The following DMD variants were observed in gnomAD, a reference collection of about 807,000 sequenced individuals.
DMD encodes mutant dystrophin.
In DMD, 63 loss-of-function variants were observed where a neutral mutation model predicts 330.1. The observed-to-expected ratio is 0.19, with a 90% CI of 0.16 to 0.24. DMD has a LOEUF of 0.24. Ranked by LOEUF, DMD falls within the 10% of genes least tolerant of loss-of-function variation. The probability of loss-of-function intolerance (pLI) is 1.00; values close to 1 mark genes in which losing one functional copy is unlikely to be tolerated. For missense variants in DMD, 3,344 were observed against 2,684.1 expected (o/e 1.25, Z -5.43); for synonymous variants, 1,223 against 959.8 (o/e 1.27, Z -5.07).
At chrX:33,217,123 T>A (rs766076413) in intron 1 of DMD, among the ~76,000 whole-genome samples, 46 of 111,556 alleles carry the variant, frequency 4.1e-4, no homozygotes, top group Non-Finnish European at 7.5e-4. Flanking sequence ...ACTTCCTTTT[T>A]CCACAGTGAT....
chrX:32,745,344 T>C (rs1437553524), intron 7 of DMD, among the ~76,000 whole-genome samples: 1 of 112,340 alleles, frequency 8.9e-6, no homozygotes, highest in Non-Finnish European at 1.9e-5. Flanking sequence ...TCTGATCTTG[T>C]TCTGTATCAA....
Position 31,764,631 on chromosome X carries a change from T to G in DMD, c.7542+9329A>C, listed in dbSNP as rs1603462034. 3.6e-5 allele frequency among the ~76,000 whole-genome samples: 4 copies of G among 111,893 alleles called. No individual in the cohort carries two copies. In the South Asian group the frequency reaches 1.5e-3, roughly 41 times the overall value. ...TTTTGGCAAAAATCGTCTTCATGGA[T>G]TTAATTTTTTTTAATTTCTAGTTTG... On this transcript the variant is annotated intron_variant, in intron 51 of 78. Coordinates refer to ENST00000357033, the MANE Select transcript of DMD (RefSeq NM_004006.3).
At chrX:32,651,143 T>C in intron 9 of DMD, among the ~76,000 whole-genome samples, 1 of 110,261 alleles carries the variant, frequency 9.1e-6, no homozygotes, top group Admixed American at 9.7e-5. Flanking sequence ...TATAACTTTT[T>C]TTTTTTCTGT....
At position 31,669,007 on chromosome X, in the gene DMD, C is replaced by T. The variant is rs1356384901; in HGVS notation, c.7872+10368G>A. Among the ~76,000 whole-genome samples, 11 of 112,315 alleles carry T rather than the reference C, an allele frequency of 9.8e-5. No individual in the cohort carries two copies. In the East Asian group the frequency reaches 2.8e-3, roughly 28 times the overall value. On this transcript the variant is annotated intron_variant, in intron 53 of 78. Transcript: ENST00000357033. The stretch of plus-strand genomic sequence containing the variant: ...ACCACATTTTCTTTATCCATTCATC[C>T]ACTGATGGAAACTTAGGTTGATTCC...
intron 25 of DMD, among the ~76,000 whole-genome samples, chrX:32,456,270 A>C (rs1467482733): frequency 9.0e-6 from 1 of 111,036 alleles, no homozygotes; most frequent in African/African-American, 3.3e-5. Flanking sequence ...AGGTAAATGT[A>C]GTACTTGATC....
chrX:32,664,180 A>G lies in DMD; in HGVS notation c.961-19028T>C, dbSNP rs144213042. Reference sequence around the variant, plus strand: ...CAGAGGTGATGGTGGTGGCCATGTAAGTAGTCAGAAGTGATCAGATTCTGG... The same window carrying G: ...CAGAGGTGATGGTGGTGGCCATGTAGGTAGTCAGAAGTGATCAGATTCTGG... On this transcript the variant is annotated intron_variant, in intron 9 of 78. Transcript: ENST00000357033. Among the ~76,000 whole-genome samples, 987 of 110,078 alleles carry G rather than the reference A, an allele frequency of 9.0e-3. 16 individuals are homozygous for G. The highest frequency in any genetic ancestry group is 0.013 in the Non-Finnish European group (710 of 52,705).
At chrX:31,317,621 C>T (rs1336175109) in intron 62 of DMD, among the ~76,000 whole-genome samples, 1 of 107,817 alleles carries the variant, frequency 9.3e-6, no homozygotes, top group Non-Finnish European at 1.9e-5. Context: ...ACGCCATTCT[C>T]CTGCCTCAGC....
chrX:31,831,819 G>A (rs886305524), intron 49 of DMD, among the ~76,000 whole-genome samples: 1 of 111,952 alleles, frequency 8.9e-6, no homozygotes, highest in Non-Finnish European at 1.9e-5. Flanking sequence ...AGCCAGGATG[G>A]TCTCGATCTC....
At chrX:33,258,817 A>G (rs193202741) in intron 1 of DMD, among the ~76,000 whole-genome samples, 25 of 111,271 alleles carry the variant, frequency 2.2e-4, no homozygotes, top group African/African-American at 7.5e-4. Flanking sequence ...TGTCTTATGT[A>G]GTACATACTC....
At chrX:33,151,663 C>T (rs2048290143) in intron 1 of DMD, among the ~76,000 whole-genome samples, 1 of 111,712 alleles carries the variant, frequency 9.0e-6, no homozygotes, top group Admixed American at 9.6e-5. Flanking sequence ...GTAAGTTACT[C>T]AATTTTTTCT....
intron 29 of DMD, among the ~76,000 whole-genome samples, chrX:32,418,163 T>A (rs1023767150): frequency 9.0e-6 from 1 of 111,361 alleles, no homozygotes; most frequent in Non-Finnish European, 1.9e-5. Context: ...AGGGATCTAT[T>A]CATGGCGCCA....
intron 59 of DMD, among the ~76,000 whole-genome samples, chrX:31,453,011 A>G (rs2065873223): frequency 2.7e-5 from 3 of 112,272 alleles, no homozygotes; most frequent in African/African-American, 9.7e-5. Context: ...AAAACAAATC[A>G]CCTGACTAAA....
At chrX:31,255,949 G>T (rs1171485288) in intron 63 of DMD, among the ~76,000 whole-genome samples, 2 of 108,687 alleles carry the variant, frequency 1.8e-5, no homozygotes, top group Non-Finnish European at 3.8e-5. Context: ...CTAATTTTTT[G>T]TTTTTTTAGT....
At chrX:31,381,130 T>C (rs985976211) in intron 60 of DMD, among the ~76,000 whole-genome samples, 4 of 111,158 alleles carry the variant, frequency 3.6e-5, no homozygotes, top group Admixed American at 9.6e-5. Flanking sequence ...GCTGACCCCA[T>C]AGATCCTAAA....
chrX:31,895,233 C>T (rs2094315070), intron 47 of DMD, among the ~76,000 whole-genome samples: 1 of 111,296 alleles, frequency 9.0e-6, no homozygotes, highest in Admixed American at 9.6e-5. Flanking sequence ...CAGAGGATAT[C>T]TCATTTGAAT....
intron 2 of DMD, among the ~76,000 whole-genome samples, chrX:32,894,394 C>T (rs1053037636): frequency 2.7e-5 from 3 of 112,464 alleles, no homozygotes; most frequent in Non-Finnish European, 3.8e-5. Flanking sequence ...CCTGTAGAAA[C>T]GATCCAGTGG....
intron 2 of DMD, among the ~76,000 whole-genome samples, chrX:32,912,933 T>A (rs1475284430): frequency 8.9e-6 from 1 of 112,406 alleles, no homozygotes; most frequent in Non-Finnish European, 1.9e-5. Context: ...AAGATATTTT[T>A]AAAAGACAGA....
intron 1 of DMD, among the ~76,000 whole-genome samples, chrX:33,115,737 G>A (rs1230549633): frequency 2.7e-5 from 3 of 109,307 alleles, no homozygotes; most frequent in Non-Finnish European, 5.7e-5. Context: ...GGATGGTCTC[G>A]ATCTCCTGAC....
intron 1 of DMD, among the ~76,000 whole-genome samples, chrX:33,338,326 T>C (rs2054285014): frequency 9.0e-6 from 1 of 110,791 alleles, no homozygotes; most frequent in Non-Finnish European, 1.9e-5. Flanking sequence ...TCCATGCTCA[T>C]GCTCCATTTG....
Sources: allele counts gnomAD v4.1 joint callset (sites outside exome capture counted in the v4.1 genomes callset), GRCh38; gene constraint gnomAD v4.1.1; transcripts MANE v1.5; gene names NCBI Gene and HGNC (gene_info 2026-07-23, HGNC 2026-07-21).